The following FAR2 variants were observed in gnomAD, a reference collection of about 807,000 sequenced individuals.
FAR2 encodes epididymis secretory protein Li 81.
In FAR2, 19 loss-of-function variants were observed where a neutral mutation model predicts 56.0. The ratio of observed to expected loss-of-function variants is 0.34; its 90% CI spans 0.24 to 0.50. FAR2 has a LOEUF of 0.50. Ranked by LOEUF, FAR2 falls within the 20% of genes least tolerant of loss-of-function variation. FAR2 has a pLI of 0.98. For missense variants in FAR2, 508 were observed against 642.2 expected, an observed-to-expected ratio of 0.79 and a Z score of 2.26; for synonymous variants, 219 against 218.8, an observed-to-expected ratio of 1.00 and a Z score of -0.01.
intron 1 of FAR2, among the ~76,000 whole-genome samples, chr12:29,214,743 C>A (rs1437777024): frequency 6.6e-6 from 1 of 151,910 alleles, no homozygotes; most frequent in African/African-American, 2.4e-5. Context: ...ATGGCTTGAA[C>A]CAGGGAGGTG....
At chr12:29,333,543 T>G in intron 11 of FAR2, 89 bp from the exon 12 acceptor site, 1 of 1,236,458 alleles carries the variant, frequency 8.1e-7, no homozygotes, top group Non-Finnish European at 1.1e-6. Context: ...TACTTGCCAG[T>G]CATATCCAGG....
Position 29,333,714 on chromosome 12 carries a change from C to T in FAR2, c.1468C>T (p.Arg490Trp), listed in dbSNP as rs767224864. The T allele has an allele frequency of 1.1e-5, 18 of 1,613,572 alleles. No individual in the cohort carries two copies. Among genetic ancestry groups the T allele is most frequent in the Admixed American group, 3.3e-5 (2 of 59,970 alleles). Residue 490 changes from arginine (R) to tryptophan (W), a missense_variant, in exon 12 of 12, where the codon CGG (arginine) becomes TGG (tryptophan). Coordinates refer to ENST00000536681, the MANE Select transcript of FAR2 (RefSeq NM_001271783.2). ...RLLIARSQMA[R>W]NVWFFIVSFC... is the part of the protein sequence containing the mutation. Reference sequence around the variant, plus strand: ...TCTCATTGCAAGATCTCAGATGGCTCGGAATGTCTGGTTCTTCATTGTAAG... The same window carrying T: ...TCTCATTGCAAGATCTCAGATGGCTTGGAATGTCTGGTTCTTCATTGTAAG...
chr12:29,303,691 T>A (rs915219836), intron 4 of FAR2, among the ~76,000 whole-genome samples: 1 of 152,180 alleles, frequency 6.6e-6, no homozygotes, highest in African/African-American at 2.4e-5. Flanking sequence ...TAGAACACAT[T>A]GTTAACACTA....
At chr12:29,256,719 G>T (rs1397154705) in intron 1 of FAR2, among the ~76,000 whole-genome samples, 1 of 152,152 alleles carries the variant, frequency 6.6e-6, no homozygotes, top group Non-Finnish European at 1.5e-5. Context: ...CGTGGGCTTG[G>T]CGGGCCCTGC....
intron 1 of FAR2, among the ~76,000 whole-genome samples, chr12:29,199,800 C>T (rs1477068250): frequency 6.6e-6 from 1 of 151,996 alleles, no homozygotes; most frequent in African/African-American, 2.4e-5. Flanking sequence ...ATAGATTGAT[C>T]TTATGTGAGG....
At chr12:29,173,173 T>G (rs1012779245) in intron 1 of FAR2, among the ~76,000 whole-genome samples, 2 of 152,224 alleles carry the variant, frequency 1.3e-5, no homozygotes, top group African/African-American at 2.4e-5. Context: ...GGGTCTGCTT[T>G]GATCTGCTTT....
chr12:29,168,646 A>T (rs1007460939), intron 1 of FAR2, among the ~76,000 whole-genome samples: 2 of 151,992 alleles, frequency 1.3e-5, no homozygotes, highest in African/African-American at 4.8e-5. Flanking sequence ...GTTCCTTCAG[A>T]TGTGTCCAGA....
At chr12:29,177,653 T>G (rs1356287487) in intron 1 of FAR2, among the ~76,000 whole-genome samples, 1 of 152,190 alleles carries the variant, frequency 6.6e-6, no homozygotes, top group Non-Finnish European at 1.5e-5. Context: ...ACACAGTACC[T>G]GAACTGTAGT....
intron 1 of FAR2, among the ~76,000 whole-genome samples, chr12:29,172,752 C>T (rs1187895645): frequency 3.9e-5 from 6 of 152,136 alleles, no homozygotes; most frequent in East Asian, 1.9e-4. Context: ...CTCCCGTAGC[C>T]GCTCGAGGAA....
intron 4 of FAR2, among the ~76,000 whole-genome samples, chr12:29,299,706 C>G (rs562925682): frequency 6.6e-6 from 1 of 152,364 alleles, no homozygotes; most frequent in South Asian, 2.1e-4. Context: ...ACCTATCCAG[C>G]CTCATCTCTC....
chr12:29,173,157 T>C (rs1016698573), intron 1 of FAR2, among the ~76,000 whole-genome samples: 2 of 152,208 alleles, frequency 1.3e-5, no homozygotes, highest in African/African-American at 4.8e-5. Flanking sequence ...ATCTGAAAAC[T>C]TCCATGGGTC....
chr12:29,330,056 C>CTT (rs10693997), intron 10 of FAR2, among the ~76,000 whole-genome samples: 31,728 of 126,926 alleles, frequency 0.25, 5,182 homozygotes, highest in African/African-American at 0.4. Flanking sequence ...ACATTTATGA[C>CTT]TTTTTTTTTT....
intron 1 of FAR2, among the ~76,000 whole-genome samples, chr12:29,216,896 T>C: frequency 6.6e-6 from 1 of 152,240 alleles, no homozygotes; most frequent in East Asian, 1.9e-4. Context: ...CAATGGTAGA[T>C]GTGTGCTCAG....
rs1703091079 is a variant in FAR2, at chr12:29,230,897, A to T, written c.-38-39515A>T. Among the ~76,000 whole-genome samples, 3 of 152,152 alleles carry T rather than the reference A, an allele frequency of 2.0e-5. No individual in the cohort carries two copies. In the South Asian group the frequency reaches 6.2e-4, roughly 32 times the overall value. ...AAGTAAAGTCAGAGATGCCTTTTAGATATCCCAAGTACTGTGGTGGGTAGA... is the reference window on the plus strand; with the variant it reads ...AAGTAAAGTCAGAGATGCCTTTTAGTTATCCCAAGTACTGTGGTGGGTAGA... On this transcript the variant is annotated intron_variant, in intron 1 of 11. Coordinates refer to ENST00000536681, the MANE Select transcript of FAR2 (RefSeq NM_001271783.2).
intron 1 of FAR2, among the ~76,000 whole-genome samples, chr12:29,215,313 C>A (rs1309218353): frequency 6.6e-6 from 1 of 151,924 alleles, no homozygotes; most frequent in African/African-American, 2.4e-5. Context: ...GTATGTCCAA[C>A]AAAGAGGTAG....
chr12:29,264,874 A>G (rs551498810), intron 1 of FAR2, among the ~76,000 whole-genome samples: 4 of 148,956 alleles, frequency 2.7e-5, no homozygotes, highest in African/African-American at 9.7e-5. Context: ...GTATTTCTAT[A>G]TGCCCACAGT....
At chr12:29,179,832 G>A (rs1044240902) in intron 1 of FAR2, among the ~76,000 whole-genome samples, 4 of 152,078 alleles carry the variant, frequency 2.6e-5, no homozygotes, top group African/African-American at 4.8e-5. Context: ...AGGGACCACC[G>A]TTGATGGGAA....
chr12:29,318,571 A>G (rs1949495060), intron 9 of FAR2, among the ~76,000 whole-genome samples: 1 of 152,200 alleles, frequency 6.6e-6, no homozygotes. Context: ...TTTATGGCAG[A>G]AAAAGCTGAA....
chr12:29,221,280 G>T (rs921299918), intron 1 of FAR2, among the ~76,000 whole-genome samples: 5 of 152,026 alleles, frequency 3.3e-5, no homozygotes, highest in African/African-American at 1.2e-4. Context: ...TGCCGACTAG[G>T]ACCAATTATT....
Sources: allele counts gnomAD v4.1 joint callset (sites outside exome capture counted in the v4.1 genomes callset), GRCh38; gene constraint gnomAD v4.1.1; transcripts MANE v1.5; gene names NCBI Gene and HGNC (gene_info 2026-07-23, HGNC 2026-07-21).